COL6A6: variants seen among roughly 807,000 people sequenced by gnomAD.
COL6A6 encodes the protein collagen alpha-6(VI) chain.
In COL6A6, 183 loss-of-function variants were observed where a neutral mutation model predicts 208.6. The ratio of observed to expected loss-of-function variants is 0.88; its 90% CI spans 0.78 to 0.99. The LOEUF (loss-of-function observed/expected upper bound fraction) is 0.99, where lower values mean the gene tolerates loss of function less well. Among genes scored for constraint, COL6A6 ranks in the 50% least tolerant of loss-of-function variants. The pLI is 0.00. For synonymous variants in COL6A6, 973 were observed against 1,011.8 expected (o/e 0.96, Z 0.73); for missense variants, 2,816 against 2,815.2 (o/e 1.00, Z -0.01).
At chr3:130,552,616 T>C (rs1326778539) in intron 1 of COL6A6, among the ~76,000 whole-genome samples, 3 of 152,198 alleles carry the variant, frequency 2.0e-5, no homozygotes, top group African/African-American at 7.2e-5. Context: ...TCTCTGCCTT[T>C]TAATTGGGGG....
chr3:130,635,698 G>A lies in COL6A6; in HGVS notation c.5029-1G>A. ...TATTTTACTTTAATAAATGTATTTAGGGTGAGATTGGGGACCCTGGTGGTC... is the reference window on the plus strand; with the variant it reads ...TATTTTACTTTAATAAATGTATTTAAGGTGAGATTGGGGACCCTGGTGGTC... On this transcript the variant is annotated splice_acceptor_variant, in intron 27 of 36. Coordinates refer to ENST00000358511, the MANE Select transcript of COL6A6 (RefSeq NM_001102608.3). LOFTEE classifies it high-confidence loss of function. The A allele has an allele frequency of 4.4e-6, 7 of 1,600,024 alleles. No individual in the cohort carries two copies. Among genetic ancestry groups the A allele is most frequent in the Non-Finnish European group, 5.1e-6 (6 of 1,168,044 alleles).
chr3:130,663,411 A>G (rs950781624), intron 35 of COL6A6, among the ~76,000 whole-genome samples: 5 of 152,146 alleles, frequency 3.3e-5, no homozygotes, highest in African/African-American at 1.2e-4. Context: ...TTTGAGAAAC[A>G]CTTGGATGGG....
At chr3:130,604,339 A>C (rs938068804) in intron 20 of COL6A6, among the ~76,000 whole-genome samples, 25 of 151,766 alleles carry the variant, frequency 1.6e-4, no homozygotes, top group Non-Finnish European at 3.1e-4. Flanking sequence ...TAAAAATACA[A>C]AAAAAATTAG....
intron 21 of COL6A6, among the ~76,000 whole-genome samples, chr3:130,608,503 A>G (rs2064252145): frequency 6.6e-6 from 1 of 152,004 alleles, no homozygotes; most frequent in African/African-American, 2.4e-5. Flanking sequence ...TATTTAATTG[A>G]TTTGAATATA....
intron 1 of COL6A6, among the ~76,000 whole-genome samples, chr3:130,547,419 C>A (rs949457345): frequency 9.8e-5 from 15 of 152,382 alleles, no homozygotes; most frequent in South Asian, 8.3e-4. Flanking sequence ...CTGCACACAG[C>A]CCTTGGTTCT....
intron 4 of COL6A6, among the ~76,000 whole-genome samples, chr3:130,566,017 T>G (rs1330958315): frequency 6.6e-6 from 1 of 152,148 alleles, no homozygotes; most frequent in East Asian, 1.9e-4. Context: ...AAATTCCAAT[T>G]TAGAGAATAA....
At chr3:130,673,623 G>A (rs1194517786) in intron 36 of COL6A6, among the ~76,000 whole-genome samples, 1 of 152,068 alleles carries the variant, frequency 6.6e-6, no homozygotes, top group Admixed American at 6.6e-5. Flanking sequence ...TCGTCACTTT[G>A]GGGAATTTGA....
Position 130,634,588 on chromosome 3 carries a change from A to T in COL6A6, c.4993-2A>T. On this transcript the variant is annotated splice_acceptor_variant, in intron 26 of 36. Coordinates refer to ENST00000358511, the MANE Select transcript of COL6A6 (RefSeq NM_001102608.3). LOFTEE classifies it high-confidence loss of function. ...ATAAATCTTTCCTCCTGTCCATTAC[A>T]GGGACAAGAAGGATTCCCTGGAGAA... The T allele has an allele frequency of 6.2e-7, 1 of 1,605,664 alleles. No individual in the cohort carries two copies. Among genetic ancestry groups the T allele is most frequent in the Non-Finnish European group, 8.5e-7 (1 of 1,175,596 alleles).
At chr3:130,585,648 C>T (rs2063522107) in intron 10 of COL6A6, among the ~76,000 whole-genome samples, 3 of 152,104 alleles carry the variant, frequency 2.0e-5, no homozygotes, top group African/African-American at 7.2e-5. Context: ...TTCATAAAAC[C>T]CCAAAGCCTC....
chr3:130,642,956 T>A (rs1239662825), intron 30 of COL6A6, 31 bp from the exon 31 acceptor site: 1 of 1,613,772 alleles, frequency 6.2e-7, no homozygotes, highest in South Asian at 1.1e-5. Context: ...GTTTGTTGTT[T>A]AATTGTTTCT....
At chr3:130,672,887 T>C (rs2066254618) in intron 36 of COL6A6, among the ~76,000 whole-genome samples, 1 of 151,256 alleles carries the variant, frequency 6.6e-6, no homozygotes, top group African/African-American at 2.4e-5. Context: ...CACACACCTG[T>C]AGTCCCAGCT....
chr3:130,557,788 A>C (rs1020553148), intron 1 of COL6A6, among the ~76,000 whole-genome samples: 4 of 152,202 alleles, frequency 2.6e-5, no homozygotes, highest in Non-Finnish European at 4.4e-5. Flanking sequence ...CCGCGTTCTT[A>C]ATAGCCCCAA....
intron 1 of COL6A6, among the ~76,000 whole-genome samples, chr3:130,536,910 A>T (rs1443721301): frequency 1.3e-5 from 2 of 152,214 alleles, no homozygotes; most frequent in African/African-American, 4.8e-5. Context: ...AGGTGAGATG[A>T]TAGTGTCTTA....
intron 28 of COL6A6, 103 bp downstream of exon 28, chr3:130,635,864 C>G (rs2065097881): frequency 2.4e-6 from 2 of 836,756 alleles, no homozygotes; most frequent in African/African-American, 1.7e-5. Context: ...CAGTGACTTG[C>G]AAAATGCATG....
Position 130,570,875 on chromosome 3 carries a change from T to C in COL6A6, c.2459T>C (p.Ile820Thr), listed in dbSNP as rs778162701. 6.2e-7 allele frequency: 1 copy of C among 1,613,844 alleles called. No homozygotes were observed. The highest frequency in any genetic ancestry group is 1.3e-5 in the African/African-American group (1 of 74,926). Residue 820 changes from isoleucine to threonine, a missense_variant, in exon 7 of 37, where the codon ATT (isoleucine) becomes ACT (threonine). Physicochemically the swap from Ile to Thr is moderately conservative, Grantham distance 89. Transcript: ENST00000358511. ...VVFVIDSSGS[I>T]DYDEYNIMKD... Reference sequence around the variant, plus strand: ...TTTGTCATTGATAGCTCTGGCAGTATTGACTATGATGAGTATAATATCATG... The same window carrying C: ...TTTGTCATTGATAGCTCTGGCAGTACTGACTATGATGAGTATAATATCATG...
chr3:130,540,678 C>T (rs1333132510), intron 1 of COL6A6, among the ~76,000 whole-genome samples: 1 of 152,124 alleles, frequency 6.6e-6, no homozygotes, highest in Admixed American at 6.5e-5. Context: ...CCTCAACAGG[C>T]TCCATTGTGT....
At chr3:130,545,452 ATTTTT>A (rs58217937) in intron 1 of COL6A6, among the ~76,000 whole-genome samples, 1 of 134,532 alleles carries the variant, frequency 7.4e-6, no homozygotes, top group African/African-American at 2.8e-5. Flanking sequence ...GCTTTCAGGC[ATTTTT>A]TTTTTTTTTT....
intron 24 of COL6A6, among the ~76,000 whole-genome samples, chr3:130,624,809 G>C (rs1168001155): frequency 6.6e-6 from 1 of 152,118 alleles, no homozygotes; most frequent in Non-Finnish European, 1.5e-5. Flanking sequence ...TATTGCCCCA[G>C]GGTGGACTGG....
Position 130,608,955 on chromosome 3 carries a change from G to A in COL6A6, c.4743G>A (p.Lys1581=). 1.9e-6 allele frequency: 3 copies of A among 1,612,404 alleles called. No individual in the cohort carries two copies. Among genetic ancestry groups the A allele is most frequent in the Non-Finnish European group, 1.7e-6 (2 of 1,178,868 alleles). ...GACTTGAAGGCTCCCTGGGACTTAA[G>A]GGCCCTCAGGTACATATCAAGACCA... ...PDGLEGSLGL[K]GPQGPRGEAG... The change falls in exon 22 of 37, where the codon AAG becomes AAA. Residue 1581 remains lysine (K), a synonymous_variant. Transcript: ENST00000358511.
Sources: allele counts gnomAD v4.1 joint callset (sites outside exome capture counted in the v4.1 genomes callset), GRCh38; gene constraint gnomAD v4.1.1; transcripts MANE v1.5; gene names NCBI Gene and HGNC (gene_info 2026-07-23, HGNC 2026-07-21).